The following NRG3 variants were observed in gnomAD, a reference collection of about 807,000 sequenced individuals.
The protein encoded by NRG3 is pro-neuregulin-3, membrane-bound isoform.
In NRG3, 31 loss-of-function variants were observed where a neutral mutation model predicts 66.9. The ratio of observed to expected loss-of-function variants is 0.46; its 90% CI spans 0.35 to 0.63. The LOEUF is 0.63. Ranked by LOEUF, NRG3 falls within the 20% of genes least tolerant of loss-of-function variation. NRG3 has a pLI of 0.00. For missense variants in NRG3, 910 were observed against 878.9 expected (o/e 1.04, Z -0.45); for synonymous variants, 393 against 359.4 (o/e 1.09, Z -1.06).
At chr10:81,883,763 A>G (rs1034931235) in intron 1 of NRG3, among the ~76,000 whole-genome samples, 33 of 152,172 alleles carry the variant, frequency 2.2e-4, no homozygotes, top group African/African-American at 7.2e-4. Flanking sequence ...GTGAATTGCC[A>G]GGGAGCTAGA....
At chr10:82,231,141 G>A (rs1246135219) in intron 1 of NRG3, among the ~76,000 whole-genome samples, 4 of 152,142 alleles carry the variant, frequency 2.6e-5, no homozygotes, top group East Asian at 1.9e-4. Context: ...TCAGGAGTTC[G>A]AGACCAGCCT....
intron 7 of NRG3, among the ~76,000 whole-genome samples, chr10:82,976,778 TC>T (rs1852298057): frequency 6.6e-6 from 1 of 152,066 alleles, no homozygotes. Context: ...GTCCCCTTCC[TC>T]CCTGCTTGGT....
intron 1 of NRG3, among the ~76,000 whole-genome samples, chr10:81,967,945 T>C (rs1216091730): frequency 6.6e-6 from 1 of 152,228 alleles, no homozygotes; most frequent in Non-Finnish European, 1.5e-5. Context: ...TTGGCAGCAC[T>C]CCTTCTTTAT....
intron 1 of NRG3, among the ~76,000 whole-genome samples, chr10:82,115,316 C>T (rs1234709067): frequency 6.6e-6 from 1 of 152,030 alleles, no homozygotes; most frequent in Non-Finnish European, 1.5e-5. Flanking sequence ...CAAGTATAAC[C>T]ACAGCTTTTC....
intron 1 of NRG3, among the ~76,000 whole-genome samples, chr10:82,259,390 C>G (rs2077901027): frequency 6.6e-6 from 1 of 151,992 alleles, no homozygotes; most frequent in African/African-American, 2.4e-5. Context: ...TTTACTCAAT[C>G]TAGGAAGACC....
intron 1 of NRG3, among the ~76,000 whole-genome samples, chr10:82,191,623 G>C (rs1195114928): frequency 6.6e-6 from 1 of 152,202 alleles, no homozygotes; most frequent in Non-Finnish European, 1.5e-5. Context: ...TCTCAGGTGT[G>C]TATACCACCA....
intron 1 of NRG3, among the ~76,000 whole-genome samples, chr10:82,014,885 A>G (rs2061719806): frequency 6.6e-6 from 1 of 152,130 alleles, no homozygotes; most frequent in South Asian, 2.1e-4. Flanking sequence ...GAAAGACTAA[A>G]TTGGCCAGCA....
Position 82,823,552 on chromosome 10 carries a change from C to G in NRG3, c.1028-41859C>G, listed in dbSNP as rs149494498. ...GAATGGTGCACCATCAACGTTCCCC[C>G]ACTCCCAGTTAGGACTAAGGCACTG... On this transcript the variant is annotated intron_variant, in intron 3 of 8. Coordinates refer to ENST00000372141, the MANE Select transcript of NRG3 (RefSeq NM_001010848.4). Among the ~76,000 whole-genome samples the G allele has an allele frequency of 3.4e-3, 514 of 152,228 alleles. 4 individuals carry two copies. The highest frequency in any genetic ancestry group is 0.012 in the African/African-American group (506 of 41,524).
At chr10:82,596,218 G>A (rs1257447640) in intron 2 of NRG3, among the ~76,000 whole-genome samples, 1 of 152,158 alleles carries the variant, frequency 6.6e-6, no homozygotes, top group South Asian at 2.1e-4. Context: ...CGCTTCAGGA[G>A]CCTCGCATAG....
intron 1 of NRG3, among the ~76,000 whole-genome samples, chr10:82,286,629 C>A (rs2079433080): frequency 6.6e-6 from 1 of 151,998 alleles, no homozygotes; most frequent in Non-Finnish European, 1.5e-5. Context: ...GCTCTGTCAC[C>A]CAGACTGGAG....
At chr10:82,205,719 A>G (rs1406609702) in intron 1 of NRG3, among the ~76,000 whole-genome samples, 1 of 152,172 alleles carries the variant, frequency 6.6e-6, no homozygotes, top group Non-Finnish European at 1.5e-5. Flanking sequence ...GTTTCAGTGC[A>G]AAGAGGGCAT....
At chr10:82,950,734 A>G (rs936217152) in intron 4 of NRG3, among the ~76,000 whole-genome samples, 2 of 152,248 alleles carry the variant, frequency 1.3e-5, no homozygotes, top group African/African-American at 4.8e-5. Context: ...TTCTACGGAT[A>G]CAAAGTCTTG....
chr10:82,521,732 T>G (rs911163816), intron 2 of NRG3, among the ~76,000 whole-genome samples: 7 of 152,260 alleles, frequency 4.6e-5, no homozygotes, highest in East Asian at 1.9e-4. Context: ...GTGACGCCCT[T>G]TCGTACCATT....
chr10:82,146,568 T>G (rs927772352), intron 1 of NRG3, among the ~76,000 whole-genome samples: 16 of 152,296 alleles, frequency 1.1e-4, no homozygotes, highest in Admixed American at 1.0e-3. Flanking sequence ...GCCATATTAC[T>G]TCCCCCAACA....
At chr10:82,093,475 A>G (rs951436232) in intron 1 of NRG3, among the ~76,000 whole-genome samples, 1 of 152,194 alleles carries the variant, frequency 6.6e-6, no homozygotes, top group Non-Finnish European at 1.5e-5. Flanking sequence ...ATTCCAGTTT[A>G]ATTAACCATA....
chr10:82,122,212 A>T (rs527998679), intron 1 of NRG3, among the ~76,000 whole-genome samples: 2 of 152,322 alleles, frequency 1.3e-5, no homozygotes, highest in East Asian at 3.9e-4. Flanking sequence ...TTTTTTAATT[A>T]TAAAACCTTG....
chr10:82,657,652 GA>G (rs538906388), intron 2 of NRG3, among the ~76,000 whole-genome samples: 30 of 144,902 alleles, frequency 2.1e-4, no homozygotes, highest in East Asian at 1.0e-3. Context: ...AAGAAAAAAG[GA>G]AAAAAAAAAC....
chr10:82,702,259 G>A (rs967234026), intron 2 of NRG3, among the ~76,000 whole-genome samples: 13 of 152,138 alleles, frequency 8.5e-5, no homozygotes, highest in Non-Finnish European at 1.6e-4. Context: ...ATGAAAATGG[G>A]TTAGAGATAA....
rs146948922 is a variant in NRG3, at chr10:82,299,492, C to G, written c.824-59247C>G. Among the ~76,000 whole-genome samples the G allele has an allele frequency of 1.8e-3, 278 of 151,602 alleles. 1 individual carries two copies. In the Middle Eastern group the frequency reaches 0.048, roughly 26 times the overall value. The stretch of plus-strand genomic sequence containing the variant: ...TGAGCACAAAATCCACGAGCCATAG[C>G]GAAGAGGCCAGCATTTTTAAAAATG... On this transcript the variant is annotated intron_variant, in intron 1 of 8. Coordinates refer to ENST00000372141, the MANE Select transcript of NRG3 (RefSeq NM_001010848.4).
Sources: gnomAD v4.1 joint callset for allele counts (sites outside exome capture counted in the v4.1 genomes callset) on GRCh38, gnomAD v4.1.1 for gene constraint, MANE v1.5 for transcripts, NCBI Gene and HGNC (gene_info 2026-07-23, HGNC 2026-07-21) for gene names.